GAB2: variants seen among roughly 807,000 people sequenced by gnomAD.
GAB2 encodes the protein GRB2 associated binding protein 2.
Under a neutral mutation model 65.5 loss-of-function variants are expected in GAB2, and 26 were observed. The ratio of observed to expected loss-of-function variants is 0.40; its 90% CI spans 0.29 to 0.55. GAB2 has a LOEUF of 0.55. Ranked by LOEUF, GAB2 falls within the 20% of genes least tolerant of loss-of-function variation. The probability of loss-of-function intolerance (pLI) is 0.53; values close to 1 mark genes in which losing one functional copy is unlikely to be tolerated. For synonymous variants in GAB2, 321 were observed against 329.6 expected (o/e 0.97, Z 0.28); for missense variants, 884 against 875.8 (o/e 1.01, Z -0.12).
At chr11:78,320,249 C>T (rs968471264) in intron 1 of GAB2, among the ~76,000 whole-genome samples, 9 of 152,070 alleles carry the variant, frequency 5.9e-5, no homozygotes, top group Non-Finnish European at 1.2e-4. Context: ...GTTTCCCAGG[C>T]AGGATTTGAG....
intron 3 of GAB2, among the ~76,000 whole-genome samples, chr11:78,236,424 T>C (rs1442280741): frequency 1.3e-5 from 2 of 152,304 alleles, no homozygotes; most frequent in African/African-American, 4.8e-5. Context: ...GTGCTGGGAT[T>C]ACAGGCATGA....
chr11:78,323,233 G>A (rs1033011981), intron 1 of GAB2, among the ~76,000 whole-genome samples: 1 of 152,184 alleles, frequency 6.6e-6, no homozygotes, highest in African/African-American at 2.4e-5. Context: ...AACCAGTCTT[G>A]ATGAGGTGGC....
chr11:78,360,111 T>C (rs1856413963), intron 1 of GAB2, among the ~76,000 whole-genome samples: 2 of 152,040 alleles, frequency 1.3e-5, no homozygotes, highest in Non-Finnish European at 2.9e-5. Context: ...CCAAGGAACA[T>C]CTGGAGCCAC....
At chr11:78,352,348 C>T (rs1403976417) in intron 1 of GAB2, among the ~76,000 whole-genome samples, 3 of 152,224 alleles carry the variant, frequency 2.0e-5, no homozygotes, top group Admixed American at 2.0e-4. Context: ...CCACGTCATC[C>T]CCGTTACATG....
At chr11:78,410,224 C>T (rs945278323) in intron 1 of GAB2, among the ~76,000 whole-genome samples, 5 of 152,160 alleles carry the variant, frequency 3.3e-5, no homozygotes, top group African/African-American at 4.8e-5. Context: ...AAATCAGAGG[C>T]CAGGTGCAGC....
At chr11:78,412,149 A>C (rs1408771726) in intron 1 of GAB2, among the ~76,000 whole-genome samples, 1 of 151,730 alleles carries the variant, frequency 6.6e-6, no homozygotes, top group Non-Finnish European at 1.5e-5. Flanking sequence ...AAAAAAAAAA[A>C]ACCTATATAT....
At chr11:78,359,437 C>T (rs1856404018) in intron 1 of GAB2, among the ~76,000 whole-genome samples, 1 of 152,032 alleles carries the variant, frequency 6.6e-6, no homozygotes, top group Non-Finnish European at 1.5e-5. Flanking sequence ...TTTCAATGTG[C>T]TAAGAAAAAA....
At chr11:78,273,044 G>A (rs1187383763) in intron 2 of GAB2, among the ~76,000 whole-genome samples, 1 of 152,266 alleles carries the variant, frequency 6.6e-6, no homozygotes, top group Non-Finnish European at 1.5e-5. Context: ...CTAGATTGCA[G>A]AGGATGTATG....
chr11:78,338,744 C>A (rs1215645630), intron 1 of GAB2, among the ~76,000 whole-genome samples: 2 of 152,174 alleles, frequency 1.3e-5, no homozygotes, highest in Non-Finnish European at 2.9e-5. Flanking sequence ...GTTTGAAGGA[C>A]CAGTCATCCC....
intron 1 of GAB2, among the ~76,000 whole-genome samples, chr11:78,409,475 T>C (rs1857098831): frequency 6.6e-6 from 1 of 152,092 alleles, no homozygotes; most frequent in Non-Finnish European, 1.5e-5. Context: ...TCCCAACTAC[T>C]TGGGAGGCTG....
chr11:78,369,044 G>A (rs1856534500), intron 1 of GAB2, among the ~76,000 whole-genome samples: 1 of 151,768 alleles, frequency 6.6e-6, no homozygotes, highest in Admixed American at 6.6e-5. Flanking sequence ...AGGCTGAGGT[G>A]GGAGGATCAC....
intron 1 of GAB2, among the ~76,000 whole-genome samples, chr11:78,309,438 T>C (rs1475058974): frequency 6.7e-6 from 1 of 149,532 alleles, no homozygotes; most frequent in African/African-American, 2.5e-5. Flanking sequence ...GAGAATAAAA[T>C]CTTGTGGTTA....
intron 2 of GAB2, among the ~76,000 whole-genome samples, chr11:78,273,112 T>A (rs1036299241): frequency 6.6e-6 from 1 of 152,198 alleles, no homozygotes; most frequent in Non-Finnish European, 1.5e-5. Context: ...ATGGAAAACC[T>A]CTGCTAGGGC....
chr11:78,278,778 T>C (rs1866247383), intron 2 of GAB2, among the ~76,000 whole-genome samples: 1 of 151,936 alleles, frequency 6.6e-6, no homozygotes, highest in Non-Finnish European at 1.5e-5. Flanking sequence ...TGGAGTGCAG[T>C]GGTGTGATCA....
At chr11:78,311,128 A>AC (rs1381602276) in intron 1 of GAB2, among the ~76,000 whole-genome samples, 1 of 152,240 alleles carries the variant, frequency 6.6e-6, no homozygotes, top group Admixed American at 6.5e-5. Flanking sequence ...AAATATGGGC[A>AC]CAACTTCATA....
intron 1 of GAB2, among the ~76,000 whole-genome samples, chr11:78,390,678 T>G (rs988758811): frequency 2.0e-5 from 3 of 152,140 alleles, no homozygotes; most frequent in African/African-American, 7.2e-5. Flanking sequence ...AATACCGCGA[T>G]CTCCTCCAAT....
Position 78,271,459 on chromosome 11 carries a change from T to C in GAB2, c.376+9142A>G, listed in dbSNP as rs112328530. ...TTGGAACGAGTTCTCTCTCAAGAGATTGTTTCCTTCAACCTTATGTTGATT... is the reference window on the plus strand; with the variant it reads ...TTGGAACGAGTTCTCTCTCAAGAGACTGTTTCCTTCAACCTTATGTTGATT... On this transcript the variant is annotated intron_variant, in intron 2 of 9. Coordinates refer to ENST00000361507, the MANE Select transcript of GAB2 (RefSeq NM_080491.3). Among the ~76,000 whole-genome samples, 1,431 of 152,358 alleles carry C rather than the reference T, an allele frequency of 9.4e-3. 31 individuals carry two copies. The highest frequency in any genetic ancestry group is 0.033 in the African/African-American group (1,364 of 41,580).
intron 1 of GAB2, among the ~76,000 whole-genome samples, chr11:78,354,177 T>C (rs140596327): frequency 2.0e-5 from 3 of 152,352 alleles, no homozygotes; most frequent in Non-Finnish European, 2.9e-5. Flanking sequence ...AGGAACACTT[T>C]TGGAAGTGTC....
At chr11:78,283,837 C>A (rs1866399233) in intron 1 of GAB2, among the ~76,000 whole-genome samples, 1 of 152,160 alleles carries the variant, frequency 6.6e-6, no homozygotes, top group African/African-American at 2.4e-5. Flanking sequence ...CTCTTCACCT[C>A]CCTGACATCC....
Sources: allele counts gnomAD v4.1 joint callset (sites outside exome capture counted in the v4.1 genomes callset), GRCh38; gene constraint gnomAD v4.1.1; transcripts MANE v1.5; gene names NCBI Gene and HGNC (gene_info 2026-07-23, HGNC 2026-07-21).